PTCD3: variants seen among roughly 807,000 people sequenced by gnomAD.
PTCD3 encodes the protein pentatricopeptide repeat domain 3.
A neutral mutation model predicts 101.9 loss-of-function variants in PTCD3; 89 were observed. The ratio of observed to expected loss-of-function variants is 0.87; its 90% CI spans 0.74 to 1.04. The LOEUF (loss-of-function observed/expected upper bound fraction) is 1.04. Among genes scored for constraint, PTCD3 ranks in the 50% least tolerant of loss-of-function variants. The pLI is 0.00. For synonymous variants in PTCD3, 296 were observed against 278.5 expected (o/e 1.06, Z -0.63); for missense variants, 870 against 828.2 (o/e 1.05, Z -0.62).
At chr2:86,136,778 G>A (rs1674591936) in intron 22 of PTCD3, 1 of 805,898 alleles carries the variant, frequency 1.2e-6, no homozygotes, top group Non-Finnish European at 2.0e-6. Context: ...TCATCATGAA[G>A]TCATACTGAA....
chr2:86,126,046 A>G (rs1674379693), intron 12 of PTCD3, among the ~76,000 whole-genome samples, 166 bp downstream of exon 12: 1 of 152,118 alleles, frequency 6.6e-6, no homozygotes, highest in Non-Finnish European at 1.5e-5. Flanking sequence ...CCTGGCCAAC[A>G]TGGTGAAACC....
Position 86,116,565 on chromosome 2 carries a change from TC to T in PTCD3, c.278del (p.Pro93LeufsTer40). The T allele has an allele frequency of 1.2e-6, 2 of 1,610,884 alleles. No individual in the cohort carries two copies. The highest frequency in any genetic ancestry group is 1.7e-6 in the Non-Finnish European group (2 of 1,177,040). On this transcript the variant is annotated frameshift_variant, in exon 5 of 24. Transcript: ENST00000254630. LOFTEE classifies it high-confidence loss of function. ...CTGTGCCTTATGTGTTTCAAGATGA[TC>T]CTTACCTTATGCCAGCATCATCTTT... The part of the protein sequence containing the change: ...TAVPYVFQDD[P>X]YLMPASSLES...
intron 3 of PTCD3, among the ~76,000 whole-genome samples, chr2:86,109,410 A>AT: frequency 6.6e-6 from 1 of 151,892 alleles, no homozygotes; most frequent in East Asian, 1.9e-4. Flanking sequence ...CCATCTCAAA[A>AT]AAAAAAAAAG....
At chr2:86,125,126 A>C in intron 10 of PTCD3, 44 bp downstream of exon 10, 2 of 1,605,274 alleles carry the variant, frequency 1.2e-6, no homozygotes, top group Non-Finnish European at 1.7e-6. Flanking sequence ...TCCACCGATC[A>C]GGGTGTTTCA....
intron 11 of PTCD3, 59 bp downstream of exon 11, chr2:86,125,574 T>C: frequency 6.6e-7 from 1 of 1,508,204 alleles, no homozygotes; most frequent in Non-Finnish European, 9.2e-7. Context: ...ATTGTCTGTG[T>C]GAAGGCTTTG....
chr2:86,119,078 A>G lies in PTCD3; in HGVS notation c.538+34A>G, dbSNP rs760841597. 6 of 1,608,818 alleles carry G rather than the reference A, an allele frequency of 3.7e-6. No homozygotes were observed. The South Asian group carries it at 5.5e-5, about 15-fold the overall frequency. ...GTTCGATTAAAGCCCCTCTAATAAC[A>G]TGGGCTTTGAAGTGGGCCCAAGTTA... On this transcript the variant is annotated intron_variant, in intron 7 of 23. Transcript: ENST00000254630.
Position 86,134,907 on chromosome 2 carries a change from G to C in PTCD3, c.1698G>C (p.Gln566His), listed in dbSNP as rs1010581064. The C allele has an allele frequency of 6.2e-7, 1 of 1,614,146 alleles. No individual in the cohort carries two copies. Among genetic ancestry groups the C allele is most frequent in the Non-Finnish European group, 8.5e-7 (1 of 1,180,014 alleles). Residue 566 changes from glutamine (Q) to histidine (H), a missense_variant, in exon 21 of 24, where the codon CAG becomes CAC. By Grantham distance (24) the Gln-to-His change is conservative (BLOSUM62 0). Transcript: ENST00000254630. Reference protein sequence around the residue: ...KSAYESQPIRQTAQDWPATSL... With the variant: ...KSAYESQPIRHTAQDWPATSL... Reference sequence around the variant, plus strand: ...CGTATGAAAGCCAACCCATCAGACAGACTGCTCAGGATTGGCCAGCCACCT... The same window carrying C: ...CGTATGAAAGCCAACCCATCAGACACACTGCTCAGGATTGGCCAGCCACCT...
In PTCD3 at chr2:86,140,608, A is replaced by C. The variant is rs1366692692; in HGVS notation, c.*3049A>C. The C allele has an allele frequency of 6.6e-6, 1 of 152,214 alleles. No individual in the cohort carries two copies. Among genetic ancestry groups the C allele is most frequent in the Non-Finnish European group, 1.5e-5 (1 of 68,034 alleles). 9.4% of individuals were successfully genotyped at this position (152,214 alleles called of 1,614,324 possible). ...CACTAGGAGCATGGATGTATAAGGCAGGTTTTATACAACCATTTAGATTCA... is the reference window on the plus strand; with the variant it reads ...CACTAGGAGCATGGATGTATAAGGCCGGTTTTATACAACCATTTAGATTCA... On this transcript the variant is annotated 3_prime_UTR_variant, in exon 24 of 24. Transcript: ENST00000254630.
chr2:86,107,658 T>C (rs1458798043), intron 1 of PTCD3, among the ~76,000 whole-genome samples: 1 of 152,208 alleles, frequency 6.6e-6, no homozygotes, highest in Non-Finnish European at 1.5e-5. Context: ...CCTCTGAAAA[T>C]AGAAAATATC....
rs1049944266 is a variant in PTCD3, at chr2:86,127,236, C to T, written c.1027C>T (p.Arg343Ter). 18 of 1,613,618 alleles carry T rather than the reference C, an allele frequency of 1.1e-5. No individual in the cohort carries two copies. The highest frequency in any genetic ancestry group is 9.3e-6 in the Non-Finnish European group (11 of 1,179,722). The part of the protein sequence containing the change: ...QTFNTILKCL[R>*]RFHVFARSPA... ...TTTTAATACCATTCTGAAATGTCTC[C>T]GAAGATTTCATGTGTTTGCAAGATC... The change falls in exon 13 of 24, where the codon CGA becomes TGA. Residue 343 changes from arginine to a stop codon, truncating the protein, a stop_gained. Coordinates refer to ENST00000254630, the MANE Select transcript of PTCD3 (RefSeq NM_017952.6). LOFTEE classifies it high-confidence loss of function.
intron 1 of PTCD3, chr2:86,107,250 TC>T (rs771010957): frequency 4.2e-5 from 20 of 470,998 alleles, no homozygotes; most frequent in South Asian, 2.6e-4. Flanking sequence ...TGAAGCAGAA[TC>T]TCTTCCTCAG....
rs920510524 is a variant in PTCD3 at position 86,138,330 on chromosome 2, A to G, written c.*771A>G. 6.6e-6 allele frequency: 1 copy of G among 152,164 alleles called. No individual in the cohort carries two copies. Among genetic ancestry groups the G allele is most frequent in the East Asian group, 1.9e-4 (1 of 5,190 alleles). The allele number at this position is 152,164 out of a possible 1,614,324, so 9.4% of individuals were successfully genotyped here. ...GTGTATTGCTGGTAATCAAGTTGGT[A>G]ACGACTACTTCTAGCAGCTCTTACC... On this transcript the variant is annotated 3_prime_UTR_variant, in exon 24 of 24. Coordinates refer to ENST00000254630, the MANE Select transcript of PTCD3 (RefSeq NM_017952.6).
rs1334755590 is a variant in PTCD3 at position 86,138,598 on chromosome 2, G to A, written c.*1039G>A. 6.6e-6 allele frequency: 1 copy of A among 151,158 alleles called. No homozygotes were observed. Among genetic ancestry groups the A allele is most frequent in the African/African-American group, 2.4e-5 (1 of 40,998 alleles). The allele number at this position is 151,158 out of a possible 1,614,324, so 9.4% of individuals were successfully genotyped here. A position where few individuals can be genotyped will look rare whatever the true frequency, so the allele number is the denominator to read the frequency against. On this transcript the variant is annotated 3_prime_UTR_variant, in exon 24 of 24. Transcript: ENST00000254630. Reference sequence around the variant, plus strand: ...GCCATCCTCTGAAGGCCGGGACCCAGTCATACATCCTTAGAAACCAAAGTA... The same window carrying A: ...GCCATCCTCTGAAGGCCGGGACCCAATCATACATCCTTAGAAACCAAAGTA...
rs1277086068 is a variant in PTCD3 at position 86,134,012 on chromosome 2, A to G, written c.1544-280A>G. Among the ~76,000 whole-genome samples the G allele has an allele frequency of 2.0e-5, 3 of 152,206 alleles. No individual in the cohort carries two copies. The East Asian group carries it at 5.8e-4, about 29-fold the overall frequency. Reference sequence around the variant, plus strand: ...TCTAATGAGTGATAAAAGTATATCAAATTCCCAAGTGCTATAAAACAACGT... The same window carrying G: ...TCTAATGAGTGATAAAAGTATATCAGATTCCCAAGTGCTATAAAACAACGT... On this transcript the variant is annotated intron_variant, in intron 19 of 23. Coordinates refer to ENST00000254630, the MANE Select transcript of PTCD3 (RefSeq NM_017952.6).
Position 86,123,735 on chromosome 2 carries a change from C to T in PTCD3, c.689C>T (p.Ala230Val). Residue 230 changes from alanine (A) to valine (V), a missense_variant, in exon 9 of 24, where the codon GCT (alanine) becomes GTT (valine). Physicochemically the swap from Ala to Val is moderately conservative, Grantham distance 64. Transcript: ENST00000254630. Reference sequence around the variant, plus strand: ...AATGATGAGACATCTAGGAGGAAAGCTGGTCATCAGTTTGGAGTTACATGG... The same window carrying T: ...AATGATGAGACATCTAGGAGGAAAGTTGGTCATCAGTTTGGAGTTACATGG... ...EENDETSRRK[A>V]GHQFGVTWRA... is the part of the protein sequence containing the mutation. 1 of 1,601,186 alleles carries T rather than the reference C, an allele frequency of 6.2e-7. No homozygotes were observed. The highest frequency in any genetic ancestry group is 8.5e-7 in the Non-Finnish European group (1 of 1,175,278).
chr2:86,108,878 G>T, intron 3 of PTCD3: 1 of 223,372 alleles, frequency 4.5e-6, no homozygotes, highest in East Asian at 9.4e-5. Flanking sequence ...AGAGCAGACA[G>T]TTACTGTCTT....
intron 17 of PTCD3, 116 bp from the exon 18 acceptor site, chr2:86,133,062 C>G: frequency 6.9e-7 from 1 of 1,443,088 alleles, no homozygotes; most frequent in Non-Finnish European, 9.1e-7. Context: ...TAACTTGAAA[C>G]TGTAAGTATT....
chr2:86,114,154 TTATGATGCTTATCAAGCACTGTGCTGGA>T (rs2104449542), intron 4 of PTCD3, among the ~76,000 whole-genome samples: 1 of 152,370 alleles, frequency 6.6e-6, no homozygotes, highest in East Asian at 1.9e-4. Context: ...TTTTGTGCCC[TTATGATGCTTATCAAGCACTGTGCTGGA>T]TATAGAATTA....
intron 3 of PTCD3, 171 bp downstream of exon 3, chr2:86,108,707 G>A (rs1457321558): frequency 1.8e-6 from 1 of 553,570 alleles, no homozygotes; most frequent in Non-Finnish European, 3.2e-6. Context: ...TGGAAAGGTG[G>A]AGAATAGTGA....
Sources: gnomAD v4.1 joint callset for allele counts (sites outside exome capture counted in the v4.1 genomes callset) on GRCh38, gnomAD v4.1.1 for gene constraint, MANE v1.5 for transcripts, NCBI Gene and HGNC (gene_info 2026-07-23, HGNC 2026-07-21) for gene names.